The following DMGDH variants were observed in gnomAD, a reference collection of about 807,000 sequenced individuals.
DMGDH encodes dimethylglycine dehydrogenase, mitochondrial.
DMGDH carries 76 observed loss-of-function variants against 95.2 expected under a neutral mutation model. That is an observed-to-expected ratio of 0.80 (90% CI 0.66 to 0.97). The LOEUF (loss-of-function observed/expected upper bound fraction) is 0.97. Among genes scored for constraint, DMGDH ranks in the 50% least tolerant of loss-of-function variants. The pLI is 0.00. For missense variants in DMGDH, 987 were observed against 1,055.0 expected, an observed-to-expected ratio of 0.94 and a Z score of 0.89; for synonymous variants, 345 against 377.6, an observed-to-expected ratio of 0.91 and a Z score of 1.00.
At chr5:79,008,092 C>A (rs1475231686) in intron 14 of DMGDH, among the ~76,000 whole-genome samples, 1 of 152,142 alleles carries the variant, frequency 6.6e-6, no homozygotes, top group East Asian at 1.9e-4. Flanking sequence ...TGGTTGGTTC[C>A]TTGTGTTCTA....
chr5:79,035,707 G>A (rs985050841), intron 7 of DMGDH, among the ~76,000 whole-genome samples: 8 of 150,676 alleles, frequency 5.3e-5, no homozygotes, highest in Admixed American at 1.3e-4. Context: ...CAAATAAATG[G>A]GCAGAGTGCT....
At chr5:79,051,799 AT>A (rs1156457020) in intron 4 of DMGDH, among the ~76,000 whole-genome samples, 2 of 151,412 alleles carry the variant, frequency 1.3e-5, no homozygotes, top group Non-Finnish European at 3.0e-5. Flanking sequence ...CTGTTAATAA[AT>A]TCACATTAAA....
At chr5:79,021,013 CT>C (rs1304286180) in intron 14 of DMGDH, 1 of 985,348 alleles carries the variant, frequency 1.0e-6, no homozygotes. Flanking sequence ...ACAAAGGCTA[CT>C]GATTTTCCTC....
At chr5:79,016,267 A>G (rs192994789) in intron 14 of DMGDH, among the ~76,000 whole-genome samples, 390 of 151,946 alleles carry the variant, frequency 2.6e-3, no homozygotes, top group African/African-American at 8.5e-3. Flanking sequence ...CAAGAAAAAG[A>G]AAAAAAAGAT....
At chr5:79,058,687 T>A (rs1755103475) in intron 2 of DMGDH, among the ~76,000 whole-genome samples, 1 of 152,208 alleles carries the variant, frequency 6.6e-6, no homozygotes, top group Non-Finnish European at 1.5e-5. Context: ...GGAGATATAA[T>A]CATTAAGAAT....
intron 7 of DMGDH, among the ~76,000 whole-genome samples, chr5:79,034,786 G>C (rs1253249092): frequency 1.3e-5 from 2 of 152,108 alleles, no homozygotes; most frequent in African/African-American, 4.8e-5. Flanking sequence ...GGCCGGGCGC[G>C]ATGTCTCACG....
intron 6 of DMGDH, 146 bp downstream of exon 6, chr5:79,044,158 C>G: frequency 5.5e-6 from 6 of 1,093,158 alleles, no homozygotes; most frequent in Non-Finnish European, 6.9e-6. Flanking sequence ...GAGAACAGAG[C>G]TCACCTCAAA....
intron 14 of DMGDH, chr5:79,021,385 C>T: frequency 8.5e-7 from 1 of 1,171,706 alleles, no homozygotes. Context: ...GGTGTCTAAT[C>T]AGCGGTACTT....
chr5:78,998,180 C>A lies in DMGDH; in HGVS notation c.2503G>T (p.Gly835Cys). ...ATGATGACTGCTGGGTAATTTTTGCCTAATAGTTCAACTTCCACTTGCTGT... is the reference window on the plus strand; with the variant it reads ...ATGATGACTGCTGGGTAATTTTTGCATAATAGTTCAACTTCCACTTGCTGT... ...VGQQVEVELL[G>C]KNYPAVIIQE... The change falls in exon 16 of 16, where the codon GGC (glycine) becomes TGC (cysteine). Residue 835 changes from glycine (G) to cysteine (C), a missense_variant. Physicochemically the swap from Gly to Cys is radical, Grantham distance 159 (BLOSUM62 -3). Coordinates refer to ENST00000255189, the MANE Select transcript of DMGDH (RefSeq NM_013391.3). 6.2e-7 allele frequency: 1 copy of A among 1,614,136 alleles called. No homozygotes were observed. Among genetic ancestry groups the A allele is most frequent in the Non-Finnish European group, 8.5e-7 (1 of 1,180,028 alleles).
chr5:79,001,055 A>G (rs1019281579), intron 15 of DMGDH: 2 of 674,004 alleles, frequency 3.0e-6, no homozygotes, highest in Non-Finnish European at 5.4e-6. Context: ...CCTCGCCATC[A>G]ATGGCTACCA....
At chr5:79,054,121 T>G in intron 4 of DMGDH, 63 bp downstream of exon 4, 3 of 1,578,708 alleles carry the variant, frequency 1.9e-6, no homozygotes, top group Non-Finnish European at 2.6e-6. Flanking sequence ...GTTAACTTCT[T>G]AATAACTTTT....
chr5:79,022,049 G>A (rs1316667442), intron 14 of DMGDH, among the ~76,000 whole-genome samples: 3 of 152,162 alleles, frequency 2.0e-5, no homozygotes, highest in Admixed American at 6.5e-5. Context: ...TGGCTTAAAC[G>A]ATCATAGTGT....
intron 14 of DMGDH, among the ~76,000 whole-genome samples, chr5:79,012,526 G>A (rs1042138439): frequency 5.3e-5 from 8 of 152,150 alleles, no homozygotes; most frequent in Non-Finnish European, 1.0e-4. Flanking sequence ...GACTCTGTGT[G>A]GGGGCTCCAA....
intron 14 of DMGDH, among the ~76,000 whole-genome samples, chr5:79,018,396 T>G (rs1753783016): frequency 6.6e-6 from 1 of 152,038 alleles, no homozygotes; most frequent in Non-Finnish European, 1.5e-5. Context: ...GGGAAAGAAT[T>G]AACACACAAA....
chr5:79,048,285 C>T (rs1035768435), intron 5 of DMGDH, among the ~76,000 whole-genome samples: 6 of 152,160 alleles, frequency 3.9e-5, no homozygotes, highest in Non-Finnish European at 7.3e-5. Flanking sequence ...ACCCAAGTCA[C>T]TCAGTTGGCA....
chr5:79,013,224 C>A (rs1753676119), intron 14 of DMGDH, among the ~76,000 whole-genome samples: 1 of 152,204 alleles, frequency 6.6e-6, no homozygotes, highest in Non-Finnish European at 1.5e-5. Flanking sequence ...TACTCTAAAT[C>A]ATCAGTCTCA....
chr5:79,057,008 C>G (rs1755053712), intron 2 of DMGDH, among the ~76,000 whole-genome samples: 1 of 152,204 alleles, frequency 6.6e-6, no homozygotes, highest in South Asian at 2.1e-4. Flanking sequence ...GAGCAGCCCT[C>G]CTGGCCCTTT....
chr5:79,065,966 A>G (rs6453427), intron 1 of DMGDH, among the ~76,000 whole-genome samples: 108,616 of 152,068 alleles, frequency 0.71, 39,744 homozygotes, highest in East Asian at 0.79. Context: ...TTCTATGTGT[A>G]TACACATTTT....
intron 5 of DMGDH, 35 bp downstream of exon 5, chr5:79,051,252 A>G (rs1287871508): frequency 6.2e-7 from 1 of 1,602,696 alleles, no homozygotes; most frequent in Non-Finnish European, 8.5e-7. Context: ...TTTGGCACTT[A>G]AAAAACACTA....
Sources: gnomAD v4.1 joint callset for allele counts (sites outside exome capture counted in the v4.1 genomes callset) on GRCh38, gnomAD v4.1.1 for gene constraint, MANE v1.5 for transcripts, NCBI Gene and HGNC (gene_info 2026-07-23, HGNC 2026-07-21) for gene names.